Variants in ZNF358 observed in about 807,000 individuals in gnomAD.
ZNF358 encodes the protein zinc finger protein 358.
In ZNF358, 1 loss-of-function variant was observed where a neutral mutation model predicts 2.1. The ratio of observed to expected loss-of-function variants is 0.49; its 90% CI spans 0.17 to 2.30. The LOEUF (loss-of-function observed/expected upper bound fraction) is 2.30. Among genes scored for constraint, ZNF358 ranks in the 30% most tolerant of loss-of-function variants. ZNF358 has a pLI of 0.26. For synonymous variants in ZNF358, 381 were observed against 359.7 expected (o/e 1.06, Z -0.67); for missense variants, 665 against 806.8 (o/e 0.82, Z 2.13).
rs749877796 is a variant in ZNF358 at position 7,519,445 on chromosome 19, C to T, written c.203C>T (p.Ser68Leu). The stretch of plus-strand genomic sequence containing the variant: ...AGCTATGAAGATCTGGAGCCCGTCT[C>T]GGAGGATCTGGACCCCGACGCCGAA... ...DPSYEDLEPV[S>L]EDLDPDAEAP... The change falls in exon 2 of 2, where the codon TCG (serine) becomes TTG (leucine). Residue 68 changes from serine (S) to leucine (L), a missense_variant. Ser to Leu is a moderately radical substitution (Grantham distance 145). Around this residue, in one of 3 missense-constraint regions of ZNF358, gnomAD observed 206 missense variants for 228.4 expected, o/e 0.90. Coordinates refer to ENST00000597229, the MANE Select transcript of ZNF358 (RefSeq NM_018083.5). 5.0e-6 allele frequency: 8 copies of T among 1,614,012 alleles called. No homozygotes were observed. Among genetic ancestry groups the T allele is most frequent in the East Asian group, 2.2e-5 (1 of 44,904 alleles).
chr19:7,518,397 G>A (rs2022376888), intron 1 of ZNF358, among the ~76,000 whole-genome samples: 1 of 151,656 alleles, frequency 6.6e-6, no homozygotes, highest in Admixed American at 6.6e-5. Context: ...GTTTGCTTGA[G>A]TCCAGGAGTT....
chr19:7,519,639 G>A lies in ZNF358; in HGVS notation c.397G>A (p.Val133Ile). The change falls in exon 2 of 2, where the codon GTC becomes ATC. Residue 133 changes from valine (V) to isoleucine (I), a missense_variant. Val to Ile is a conservative substitution (Grantham distance 29). Around this residue, in one of 3 missense-constraint regions of ZNF358, gnomAD observed 206 missense variants for 228.4 expected, o/e 0.90. Transcript: ENST00000597229. ...CTCTGGCCTCACTGCCACCCCCCAG[G>A]TCTTGGCCACCAGCCCCGCGGTGCT... Reference protein sequence around the residue: ...ISSGLTATPQVLATSPAVLPA... With the variant: ...ISSGLTATPQILATSPAVLPA... 1 of 1,592,090 alleles carries A rather than the reference G, an allele frequency of 6.3e-7. No individual in the cohort carries two copies. The highest frequency in any genetic ancestry group is 8.5e-7 in the Non-Finnish European group (1 of 1,175,876).
rs1010901577 is a variant in ZNF358 at position 7,520,829 on chromosome 19, C to A, written c.1587C>A (p.Asn529Lys). 1.2e-6 allele frequency: 2 copies of A among 1,613,992 alleles called. 1 individual carries two copies. Among genetic ancestry groups the A allele is most frequent in the Non-Finnish European group, 1.7e-6 (2 of 1,179,952 alleles). Residue 529 changes from asparagine (N) to lysine (K), a missense_variant, in exon 2 of 2, where the codon AAC becomes AAA. By Grantham distance (94) the Asn-to-Lys change is moderately conservative. Transcript: ENST00000597229. The surrounding 1 kb of genome is among the most constrained non-coding windows in gnomAD (Gnocchi z 6.0). Reference protein sequence around the residue: ...DPDPVPSPDPNPVSCPDPCSP... With the variant: ...DPDPVPSPDPKPVSCPDPCSP... Reference sequence around the variant, plus strand: ...ATCCTGTGCCCAGCCCTGATCCCAACCCTGTGTCCTGCCCTGACCCCTGTT... The same window carrying A: ...ATCCTGTGCCCAGCCCTGATCCCAAACCTGTGTCCTGCCCTGACCCCTGTT...
intron 1 of ZNF358, among the ~76,000 whole-genome samples, chr19:7,518,942 G>A (rs2022402894): frequency 6.6e-6 from 1 of 151,658 alleles, no homozygotes; most frequent in Non-Finnish European, 1.5e-5. Flanking sequence ...GTGGACACCT[G>A]TAATCCCAGC....
upstream of ZNF358, among the ~76,000 whole-genome samples, chr19:7,514,672 G>T (rs2022312555): frequency 6.6e-6 from 1 of 152,188 alleles, no homozygotes; most frequent in Non-Finnish European, 1.5e-5. Flanking sequence ...TCGCTCTGTT[G>T]CCCAGGCTGG....
Position 7,516,130 on chromosome 19 carries a change from G to C in ZNF358, c.-158G>C, listed in dbSNP as rs1355807155. On this transcript the variant is annotated 5_prime_UTR_variant, in exon 1 of 2. Coordinates refer to ENST00000597229, the MANE Select transcript of ZNF358 (RefSeq NM_018083.5). This position sits in a 1 kb window ranked among gnomAD's most constrained non-coding sequence, Gnocchi z 5.9. ...CTCTCGCTCCCCGGGAGCGCCTGGC[G>C]GGGCCGCTGGGCCGAGGGGGCCGCC... The C allele has an allele frequency of 6.9e-6, 1 of 145,184 alleles. No homozygotes were observed. Among genetic ancestry groups the C allele is most frequent in the Admixed American group, 6.8e-5 (1 of 14,732 alleles). The allele number at this position is 145,184 out of a possible 1,614,324, so 9.0% of individuals were successfully genotyped here.
At position 7,520,540 on chromosome 19, in the gene ZNF358, G is replaced by A; in HGVS notation, c.1298G>A (p.Gly433Glu). 1 of 1,256,556 alleles carries A rather than the reference G, an allele frequency of 8.0e-7. No individual in the cohort carries two copies. 77.8% of individuals were successfully genotyped at this position (1,256,556 alleles called of 1,614,324 possible). A position where few individuals can be genotyped will look rare whatever the true frequency, so the allele number is the denominator to read the frequency against. Residue 433 changes from glycine to glutamate, a missense_variant, in exon 2 of 2, where the codon GGG becomes GAG. Physicochemically the swap from Gly to Glu is moderately conservative, Grantham distance 98 (BLOSUM62 -2). Around this residue, in one of 3 missense-constraint regions of ZNF358, gnomAD observed 249 missense variants for 227.6 expected, o/e 1.09. Transcript: ENST00000597229. This position sits in a 1 kb window ranked among gnomAD's most constrained non-coding sequence, Gnocchi z 6.0. ...AGCCCTGCATCCATGATGAGGCCGGGGCAGGTCTCCCTCCTGGGTCCTGAT... is the reference window on the plus strand; with the variant it reads ...AGCCCTGCATCCATGATGAGGCCGGAGCAGGTCTCCCTCCTGGGTCCTGAT... Reference protein sequence around the residue: ...GLSPASMMRPGQVSLLGPDAV... With the variant: ...GLSPASMMRPEQVSLLGPDAV...
In ZNF358 at chr19:7,519,541, G is replaced by C. The variant is rs2022421941; in HGVS notation, c.299G>C (p.Gly100Ala). The C allele has an allele frequency of 1.9e-6, 3 of 1,606,456 alleles. No individual in the cohort carries two copies. In the African/African-American group the frequency reaches 4.0e-5, roughly 21 times the overall value. The change falls in exon 2 of 2, where the codon GGC (glycine) becomes GCC (alanine). Residue 100 changes from glycine (G) to alanine (A), a missense_variant. By Grantham distance (60) the Gly-to-Ala change is moderately conservative (BLOSUM62 0). Around this residue, in one of 3 missense-constraint regions of ZNF358, gnomAD observed 206 missense variants for 228.4 expected, o/e 0.90. Transcript: ENST00000597229. ...SSFDLDPDVI[G>A]PVPLILDPNS... is the part of the protein sequence containing the mutation. Reference sequence around the variant, plus strand: ...TTCGACCTCGATCCAGATGTGATTGGCCCCGTACCCCTGATTCTCGATCCT... The same window carrying C: ...TTCGACCTCGATCCAGATGTGATTGCCCCCGTACCCCTGATTCTCGATCCT...
intron 1 of ZNF358, among the ~76,000 whole-genome samples, chr19:7,518,545 A>AAG (rs58248587): frequency 6.8e-4 from 74 of 109,472 alleles, no homozygotes; most frequent in East Asian, 3.1e-3. Flanking sequence ...GAAAGAAAGA[A>AAG]AGAGAGAGAG....
At chr19:7,517,918 G>T (rs1417343170) in intron 1 of ZNF358, among the ~76,000 whole-genome samples, 1 of 152,180 alleles carries the variant, frequency 6.6e-6, no homozygotes, top group Non-Finnish European at 1.5e-5. Flanking sequence ...TGCTGGAGGG[G>T]GGCCTCCCTA....
chr19:7,519,312 T>A lies in ZNF358; in HGVS notation c.70T>A (p.Ser24Thr). ...GAGACCCGTTTATGAAGAGCTCGAC[T>A]CTGACTCCGAGGACCTAGACCCCAA... is the stretch of plus-strand genomic sequence containing the variant. The part of the protein sequence containing the change: ...GLRPVYEELD[S>T]DSEDLDPNPE... Residue 24 changes from serine (S) to threonine (T), a missense_variant, in exon 2 of 2, where the codon TCT becomes ACT. By Grantham distance (58) the Ser-to-Thr change is moderately conservative. Coordinates refer to ENST00000597229, the MANE Select transcript of ZNF358 (RefSeq NM_018083.5). The A allele has an allele frequency of 6.2e-7, 1 of 1,614,062 alleles. No homozygotes were observed.
chr19:7,517,455 T>A (rs1452259680), intron 1 of ZNF358, among the ~76,000 whole-genome samples: 1 of 152,128 alleles, frequency 6.6e-6, no homozygotes, highest in Non-Finnish European at 1.5e-5. Flanking sequence ...CCGGGCATGG[T>A]GGCTCATGCC....
At chr19:7,517,212 C>G (rs1296905796) in intron 1 of ZNF358, among the ~76,000 whole-genome samples, 1 of 151,952 alleles carries the variant, frequency 6.6e-6, no homozygotes, top group African/African-American at 2.4e-5. Flanking sequence ...GCTTTTGTCC[C>G]TCTACCTCCC....
Position 7,520,369 on chromosome 19 carries a change from G to T in ZNF358, c.1127G>T (p.Arg376Leu). 1 of 1,612,076 alleles carries T rather than the reference G, an allele frequency of 6.2e-7. No homozygotes were observed. The highest frequency in any genetic ancestry group is 8.5e-7 in the Non-Finnish European group (1 of 1,179,574). ...GTGCATTCGGGCGAGCGTCCCTATC[G>T]CTGTCAGCTCTGCGGGAAGGCCTTC... is the stretch of plus-strand genomic sequence containing the variant. ...LHVHSGERPY[R>L]CQLCGKAFGQ... The change falls in exon 2 of 2, where the codon CGC (arginine) becomes CTC (leucine). Residue 376 changes from arginine to leucine, a missense_variant. By Grantham distance (102) the Arg-to-Leu change is moderately radical (BLOSUM62 -2). Transcript: ENST00000597229. The surrounding 1 kb of genome is among the most constrained non-coding windows in gnomAD (Gnocchi z 6.0).
Position 7,519,330 on chromosome 19 carries a change from G to C in ZNF358, c.88G>C (p.Asp30His). Reference sequence around the variant, plus strand: ...GCTCGACTCTGACTCCGAGGACCTAGACCCCAATCCTGAAGATCTGGACCC... The same window carrying C: ...GCTCGACTCTGACTCCGAGGACCTACACCCCAATCCTGAAGATCTGGACCC... Reference protein sequence around the residue: ...EELDSDSEDLDPNPEDLDPVS... With the variant: ...EELDSDSEDLHPNPEDLDPVS... The change falls in exon 2 of 2, where the codon GAC (aspartate) becomes CAC (histidine). Residue 30 changes from aspartate to histidine, a missense_variant. Transcript: ENST00000597229. 1 of 1,613,884 alleles carries C rather than the reference G, an allele frequency of 6.2e-7. No homozygotes were observed. The highest frequency in any genetic ancestry group is 8.5e-7 in the Non-Finnish European group (1 of 1,179,854).
rs1416322332 is a variant in ZNF358 at position 7,519,949 on chromosome 19, A to G, written c.707A>G (p.His236Arg). Residue 236 changes from histidine to arginine, a missense_variant, in exon 2 of 2, where the codon CAC becomes CGC. By Grantham distance (29) the His-to-Arg change is conservative. This residue lies in a region of ZNF358 where 210 missense variants were observed against 350.8 expected (regional missense o/e 0.60). Coordinates refer to ENST00000597229, the MANE Select transcript of ZNF358 (RefSeq NM_018083.5). ...AGCCACAGCGGGGAGAAGCCGCACC[A>G]CTGCCCGGTGTGTGGCAAGGCCTTC... ...RSSHSGEKPH[H>R]CPVCGKAFGH... 9.9e-6 allele frequency: 15 copies of G among 1,522,632 alleles called. No homozygotes were observed. Among genetic ancestry groups the G allele is most frequent in the African/African-American group, 1.4e-5 (1 of 72,228 alleles). 94.3% of individuals were successfully genotyped at this position (1,522,632 alleles called of 1,614,324 possible). A position where few individuals can be genotyped will look rare whatever the true frequency, so the allele number is the denominator to read the frequency against.
rs536381416 is a variant in ZNF358 at position 7,516,606 on chromosome 19, G to A, written c.-39+357G>A. Among the ~76,000 whole-genome samples, 58 of 152,030 alleles carry A rather than the reference G, an allele frequency of 3.8e-4. No individual in the cohort carries two copies. Among genetic ancestry groups the A allele is most frequent in the Non-Finnish European group, 7.5e-4 (51 of 67,892 alleles). ...GGACCCCCTCCCCTCCTGATTCGAG[G>A]TATTGTTCCCACCTCCCGCCTGGGG... is the stretch of plus-strand genomic sequence containing the variant. On this transcript the variant is annotated intron_variant, in intron 1 of 1. Transcript: ENST00000597229. The surrounding 1 kb of genome is among the most constrained non-coding windows in gnomAD (Gnocchi z 5.9).
At chr19:7,518,958 A>C (rs1283129976) in intron 1 of ZNF358, among the ~76,000 whole-genome samples, 1 of 149,956 alleles carries the variant, frequency 6.7e-6, no homozygotes, top group Non-Finnish European at 1.5e-5. Context: ...CCAGCTACTC[A>C]GGAGGCTGAG....
At chr19:7,514,223 G>T (rs2022306976), upstream of ZNF358, among the ~76,000 whole-genome samples, 1 of 152,192 alleles carries the variant, frequency 6.6e-6, no homozygotes, top group African/African-American at 2.4e-5. Context: ...AATTATTGTG[G>T]CCAGGGGATA....
Sources: allele counts gnomAD v4.1 joint callset (sites outside exome capture counted in the v4.1 genomes callset), GRCh38; gene constraint gnomAD v4.1.1; regional missense constraint gnomAD v4.1.1; non-coding constraint Gnocchi (gnomAD v3.1); transcripts MANE v1.5; gene names NCBI Gene and HGNC (gene_info 2026-07-23, HGNC 2026-07-21).